Variants in RNGTT observed in about 807,000 individuals in gnomAD.
The protein encoded by RNGTT is mRNA-capping enzyme.
In RNGTT, 33 loss-of-function variants were observed where a neutral mutation model predicts 79.3. The observed-to-expected ratio is 0.42, with a 90% CI of 0.32 to 0.56. The LOEUF (loss-of-function observed/expected upper bound fraction) is 0.56, where lower values mean the gene tolerates loss of function less well. Ranked by LOEUF, RNGTT falls within the 20% of genes least tolerant of loss-of-function variation. RNGTT has a pLI of 0.17. For synonymous variants in RNGTT, 222 were observed against 235.9 expected (o/e 0.94, Z 0.54); for missense variants, 497 against 739.1 (o/e 0.67, Z 3.80).
chr6:88,895,485 C>T (rs2127937225), intron 6 of RNGTT, among the ~76,000 whole-genome samples: 1 of 152,132 alleles, frequency 6.6e-6, no homozygotes, highest in East Asian at 1.9e-4. Flanking sequence ...AGCACAGCAT[C>T]GGACATGTGC....
rs1430335521 is a variant in RNGTT at position 88,838,049 on chromosome 6, AAAGT to A, written c.1269+6304_1269+6307del. Among the ~76,000 whole-genome samples, 9 of 152,336 alleles carry A rather than the reference AAAGT, an allele frequency of 5.9e-5. No homozygotes were observed. In the South Asian group the frequency reaches 6.2e-4, roughly 11 times the overall value. On this transcript the variant is annotated intron_variant, in intron 11 of 15. Transcript: ENST00000369485. Reference sequence around the variant, plus strand: ...TGCAAAATTATTGCAAGCAATAACAAAAGTAAGAGAGTTCGATAAATAAGATTGT... The same window carrying A: ...TGCAAAATTATTGCAAGCAATAACAAAAGAGAGTTCGATAAATAAGATTGT...
intron 14 of RNGTT, among the ~76,000 whole-genome samples, chr6:88,674,209 G>A (rs918243894): frequency 5.3e-5 from 8 of 152,280 alleles, no homozygotes; most frequent in African/African-American, 1.9e-4. Context: ...TTAAAGAGGT[G>A]CTAATGCTAT....
chr6:88,700,721 G>A (rs1339250159), intron 13 of RNGTT, among the ~76,000 whole-genome samples: 1 of 152,158 alleles, frequency 6.6e-6, no homozygotes, highest in Non-Finnish European at 1.5e-5. Flanking sequence ...TCATGGAGTA[G>A]ACAGGATTCC....
Position 88,956,883 on chromosome 6 carries a change from A to G in RNGTT, c.64+6463T>C, listed in dbSNP as rs144273361. Among the ~76,000 whole-genome samples, 237 of 152,248 alleles carry G rather than the reference A, an allele frequency of 1.6e-3. 5 individuals carry two copies. The East Asian group carries it at 0.042, about 27-fold the overall frequency. On this transcript the variant is annotated intron_variant, in intron 1 of 15. Transcript: ENST00000369485. ...GTGAAACCCCGCTTCTATTAAAAAT[A>G]CAAAAATTAGCCAGACGTGGTGGCA...
At chr6:88,845,464 C>T (rs1026362139) in intron 10 of RNGTT, among the ~76,000 whole-genome samples, 9 of 152,220 alleles carry the variant, frequency 5.9e-5, no homozygotes, top group Non-Finnish European at 1.0e-4. Flanking sequence ...AACATATTAT[C>T]TGGTTGACAG....
At chr6:88,807,620 A>G (rs963186493) in intron 11 of RNGTT, among the ~76,000 whole-genome samples, 1 of 152,212 alleles carries the variant, frequency 6.6e-6, no homozygotes, top group African/African-American at 2.4e-5. Flanking sequence ...GGAATGCGAA[A>G]ACAAAAAGAA....
chr6:88,666,277 C>T (rs975096946), intron 14 of RNGTT, among the ~76,000 whole-genome samples: 5 of 152,208 alleles, frequency 3.3e-5, no homozygotes, highest in African/African-American at 4.8e-5. Context: ...AAATAGCAGT[C>T]GGAGTTTTAA....
At chr6:88,678,261 A>C (rs1221169296) in intron 14 of RNGTT, 92 bp downstream of exon 14, 2 of 1,516,516 alleles carry the variant, frequency 1.3e-6, no homozygotes, top group Non-Finnish European at 8.9e-7. Flanking sequence ...GGAACACGAT[A>C]TTTTTATATG....
chr6:88,754,266 T>C lies in RNGTT; in HGVS notation c.1439+15508A>G, dbSNP rs535690344. Among the ~76,000 whole-genome samples, 9 of 152,180 alleles carry C rather than the reference T, an allele frequency of 5.9e-5. No homozygotes were observed. The South Asian group carries it at 1.7e-3, about 28-fold the overall frequency. Reference sequence around the variant, plus strand: ...ATTGAGAAGACCCTAAAGACAAAGATTGGAAAATTAGCAAATCCTGAGAAG... The same window carrying C: ...ATTGAGAAGACCCTAAAGACAAAGACTGGAAAATTAGCAAATCCTGAGAAG... On this transcript the variant is annotated intron_variant, in intron 13 of 15. Transcript: ENST00000369485.
intron 8 of RNGTT, among the ~76,000 whole-genome samples, chr6:88,879,993 G>A (rs139654915): frequency 6.2e-4 from 95 of 152,210 alleles, no homozygotes; most frequent in East Asian, 5.0e-3. Context: ...CTGAGACAGA[G>A]ACCACACAAC....
chr6:88,771,620 A>G (rs1386536051), intron 12 of RNGTT, among the ~76,000 whole-genome samples: 1 of 152,038 alleles, frequency 6.6e-6, no homozygotes, highest in Non-Finnish European at 1.5e-5. Flanking sequence ...CACTGAATCA[A>G]TCAATAGGTT....
chr6:88,827,860 G>C (rs2127885805), intron 11 of RNGTT, among the ~76,000 whole-genome samples: 1 of 152,232 alleles, frequency 6.6e-6, no homozygotes, highest in South Asian at 2.1e-4. Flanking sequence ...CCCTGGGCAG[G>C]GTGTCTGAAA....
intron 11 of RNGTT, among the ~76,000 whole-genome samples, chr6:88,831,236 C>T (rs181179342): frequency 1.4e-4 from 21 of 152,310 alleles, no homozygotes; most frequent in Admixed American, 4.6e-4. Context: ...AAAAACTTAT[C>T]CACCACGATC....
At chr6:88,716,048 A>G (rs1342472888) in intron 13 of RNGTT, among the ~76,000 whole-genome samples, 1 of 151,850 alleles carries the variant, frequency 6.6e-6, no homozygotes, top group Non-Finnish European at 1.5e-5. Flanking sequence ...AATGGGAGAA[A>G]ATTTTCGTAA....
Position 88,949,258 on chromosome 6 carries a change from C to CTT in RNGTT, c.65-8080_65-8079dup, listed in dbSNP as rs1237749319. On this transcript the variant is annotated intron_variant, in intron 1 of 15. Coordinates refer to ENST00000369485, the MANE Select transcript of RNGTT (RefSeq NM_003800.5). ...ATGATAAAAAAGCAAAATAATCAGT[C>CTT]TTTTTTTTTTTTTTTTTTTTTGAGA... Among the ~76,000 whole-genome samples the CTT allele has an allele frequency of 1.9e-3, 204 of 106,242 alleles. 4 individuals carry two copies. The highest frequency in any genetic ancestry group is 3.5e-3 in the African/African-American group (90 of 25,720). 69.7% of individuals were successfully genotyped at this position (106,242 alleles called of 152,430 possible).
chr6:88,845,334 C>G (rs1171248576), intron 10 of RNGTT, among the ~76,000 whole-genome samples: 2 of 152,158 alleles, frequency 1.3e-5, no homozygotes, highest in Admixed American at 6.5e-5. Context: ...AATACACTTT[C>G]CCTTGAATGT....
intron 14 of RNGTT, among the ~76,000 whole-genome samples, chr6:88,621,965 T>A (rs1172119383): frequency 2.0e-5 from 3 of 152,160 alleles, no homozygotes; most frequent in Non-Finnish European, 4.4e-5. Context: ...GTTTCCCTGT[T>A]CCCATCTCAC....
chr6:88,791,985 GCTTAC>G (rs1779439152), intron 12 of RNGTT, among the ~76,000 whole-genome samples: 1 of 152,094 alleles, frequency 6.6e-6, no homozygotes, highest in Non-Finnish European at 1.5e-5. Context: ...AAACGGTATT[GCTTAC>G]CTTAAATAAC....
chr6:88,929,646 A>G (rs1784423079), intron 2 of RNGTT, among the ~76,000 whole-genome samples: 1 of 152,122 alleles, frequency 6.6e-6, no homozygotes, highest in Non-Finnish European at 1.5e-5. Context: ...AATGGCATCT[A>G]TCTGAAGTAT....
Sources: allele counts gnomAD v4.1 joint callset (sites outside exome capture counted in the v4.1 genomes callset), GRCh38; gene constraint gnomAD v4.1.1; transcripts MANE v1.5; gene names NCBI Gene and HGNC (gene_info 2026-07-23, HGNC 2026-07-21).